PLEKHB1: variants seen among roughly 807,000 people sequenced by gnomAD.
PLEKHB1 encodes the protein pleckstrin homology domain-containing family B member 1.
PLEKHB1 carries 29 observed loss-of-function variants against 36.2 expected under a neutral mutation model. The observed-to-expected ratio is 0.80, with a 90% CI of 0.60 to 1.09. The LOEUF (loss-of-function observed/expected upper bound fraction) is 1.09. PLEKHB1 is among the 50% of genes least tolerant of loss of function. The probability of loss-of-function intolerance (pLI) is 0.00; values close to 1 mark genes in which losing one functional copy is unlikely to be tolerated. For synonymous variants in PLEKHB1, 138 were observed against 140.0 expected, an observed-to-expected ratio of 0.99 and a Z score of 0.10; for missense variants, 330 against 348.2, an observed-to-expected ratio of 0.95 and a Z score of 0.42.
chr11:73,649,234 C>T, intron 2 of PLEKHB1, 147 bp downstream of exon 2: 2 of 1,041,570 alleles, frequency 1.9e-6, no homozygotes, highest in Non-Finnish European at 2.7e-6. Context: ...GAAGGTCCTT[C>T]CCATTCCCGA....
At chr11:73,652,193 G>A (rs1944911253) in intron 4 of PLEKHB1, 1 of 391,426 alleles carries the variant, frequency 2.6e-6, no homozygotes, top group Admixed American at 4.2e-5. Context: ...TCACCTGAGG[G>A]TGATGCAAAG....
chr11:73,654,319 A>G (rs959871131), intron 5 of PLEKHB1, among the ~76,000 whole-genome samples: 11 of 152,154 alleles, frequency 7.2e-5, no homozygotes, highest in African/African-American at 2.4e-4. Flanking sequence ...CTTTCTCTGT[A>G]TGGCACAATG....
chr11:73,659,913 C>A (rs191490459), intron 6 of PLEKHB1, among the ~76,000 whole-genome samples: 1 of 152,178 alleles, frequency 6.6e-6, no homozygotes, highest in African/African-American at 2.4e-5. Flanking sequence ...ATAATCGTTA[C>A]AGCCTAGTGC....
intron 5 of PLEKHB1, among the ~76,000 whole-genome samples, chr11:73,655,580 G>C (rs1191719666): frequency 1.3e-5 from 2 of 152,224 alleles, no homozygotes; most frequent in African/African-American, 4.8e-5. Context: ...TCTGGAAAGA[G>C]ACTACTTGTC....
intron 7 of PLEKHB1, 124 bp downstream of exon 7, chr11:73,660,976 A>G: frequency 1.1e-6 from 1 of 891,650 alleles, no homozygotes; most frequent in East Asian, 2.7e-5. Context: ...TTTCCCAGGC[A>G]GAACTCTCCG....
At chr11:73,647,905 G>A in intron 1 of PLEKHB1, 1 of 985,330 alleles carries the variant, frequency 1.0e-6, no homozygotes, top group Non-Finnish European at 1.2e-6. Flanking sequence ...GGTGTGAGCA[G>A]GTGGGGGAGG....
chr11:73,654,889 G>T (rs1747127166), intron 5 of PLEKHB1, among the ~76,000 whole-genome samples: 1 of 152,198 alleles, frequency 6.6e-6, no homozygotes, highest in Non-Finnish European at 1.5e-5. Context: ...AGCAATAAAG[G>T]GCATTCAGCA....
Position 73,662,761 on chromosome 11 carries a change from G to C in PLEKHB1, c.*1159G>C, listed in dbSNP as rs368146673. Reference sequence around the variant, plus strand: ...AGCCCACTAAAGCTCCCCTGTAAATGGGGGCTCCATTAGTTCTGCTGCCGA... The same window carrying C: ...AGCCCACTAAAGCTCCCCTGTAAATCGGGGCTCCATTAGTTCTGCTGCCGA... On this transcript the variant is annotated 3_prime_UTR_variant, in exon 8 of 8. Coordinates refer to ENST00000354190, the MANE Select transcript of PLEKHB1 (RefSeq NM_021200.3). 1.3e-5 allele frequency: 2 copies of C among 152,150 alleles called. No homozygotes were observed. The highest frequency in any genetic ancestry group is 1.3e-4 in the Admixed American group (2 of 15,274). The allele number at this position is 152,150 out of a possible 1,614,324, so 9.4% of individuals were successfully genotyped here.
intron 4 of PLEKHB1, 55 bp from the exon 5 acceptor site, chr11:73,652,920 C>G: frequency 6.7e-7 from 1 of 1,497,924 alleles, no homozygotes. Context: ...TGTGGGGGCC[C>G]AATTCACCCA....
In PLEKHB1 at chr11:73,661,357, T is replaced by TG. The variant is rs1386332844; in HGVS notation, c.596-106dup. 44 of 1,239,682 alleles carry TG rather than the reference T, an allele frequency of 3.5e-5. No homozygotes were observed. The highest frequency in any genetic ancestry group is 2.1e-4 in the Middle Eastern group (1 of 4,784). 76.8% of individuals were successfully genotyped at this position (1,239,682 alleles called of 1,614,324 possible). A position where few individuals can be genotyped will look rare whatever the true frequency, so the allele number is the denominator to read the frequency against. The stretch of plus-strand genomic sequence containing the variant: ...GTTCTTTGACTGGGGAGCAGGAGAG[T>TG]GGGTTCGGCGCCTTACACTGGGTTG... On this transcript the variant is annotated intron_variant, in intron 7 of 7. Coordinates refer to ENST00000354190, the MANE Select transcript of PLEKHB1 (RefSeq NM_021200.3). This position sits in a 1 kb window ranked among gnomAD's most constrained non-coding sequence, Gnocchi z 4.6.
rs775792157 is a variant in PLEKHB1 at position 73,651,797 on chromosome 11, C to A, written c.257C>A (p.Pro86His). The A allele has an allele frequency of 3.7e-6, 6 of 1,613,470 alleles. No homozygotes were observed. In the South Asian group the frequency reaches 6.6e-5, roughly 18 times the overall value. Reference protein sequence around the residue: ...KIGPECHDVQPPEGRSRDGLL... With the variant: ...KIGPECHDVQHPEGRSRDGLL... ...GTGTGTCTGCTTCCAGATGTGCAGC[C>A]CCCAGAGGGCCGGAGCCGAGATGGC... Residue 86 changes from proline to histidine, a missense_variant, in exon 4 of 8, where the codon CCC becomes CAC. Physicochemically the swap from Pro to His is moderately conservative, Grantham distance 77 (BLOSUM62 -2). Transcript: ENST00000354190.
chr11:73,653,481 G>A, intron 5 of PLEKHB1: 3 of 461,378 alleles, frequency 6.5e-6, no homozygotes, highest in South Asian at 4.6e-5. Flanking sequence ...GGAGATATGG[G>A]CTCTGCCCAC....
chr11:73,657,950 A>G (rs956351333), intron 6 of PLEKHB1, among the ~76,000 whole-genome samples: 11 of 152,180 alleles, frequency 7.2e-5, no homozygotes, highest in African/African-American at 2.4e-4. Flanking sequence ...GAGTTGGGCA[A>G]CCTTAGTTCC....
At chr11:73,648,514 A>G (rs1944815265) in intron 1 of PLEKHB1, among the ~76,000 whole-genome samples, 1 of 152,216 alleles carries the variant, frequency 6.6e-6, no homozygotes, top group Admixed American at 6.5e-5. Context: ...GGGTCCAAAT[A>G]GGAGGGAGCT....
In PLEKHB1 at chr11:73,651,738, G is replaced by T. The variant is rs757665316; in HGVS notation, c.248-50G>T. Reference sequence around the variant, plus strand: ...ATTCCTGTCCCTGCTTTACTGGGGGGACCTGGGGCTTGTGCCTGTGGAAAC... The same window carrying T: ...ATTCCTGTCCCTGCTTTACTGGGGGTACCTGGGGCTTGTGCCTGTGGAAAC... On this transcript the variant is annotated intron_variant, in intron 3 of 7. Transcript: ENST00000354190. 6 of 1,456,572 alleles carry T rather than the reference G, an allele frequency of 4.1e-6. No homozygotes were observed. In the South Asian group the frequency reaches 7.1e-5, roughly 17 times the overall value. 90.2% of individuals were successfully genotyped at this position (1,456,572 alleles called of 1,614,324 possible). A position where few individuals can be genotyped will look rare whatever the true frequency, so the allele number is the denominator to read the frequency against.
chr11:73,657,701 G>A (rs923377301), intron 6 of PLEKHB1, among the ~76,000 whole-genome samples: 4 of 152,156 alleles, frequency 2.6e-5, no homozygotes, highest in African/African-American at 9.7e-5. Flanking sequence ...GTAGCAGCAG[G>A]GCAAGGTGGA....
intron 2 of PLEKHB1, 74 bp downstream of exon 2, chr11:73,649,161 T>A: frequency 6.6e-7 from 1 of 1,518,386 alleles, no homozygotes; most frequent in South Asian, 1.2e-5. Flanking sequence ...CGGGGAACAC[T>A]TCTCTCAAGA....
rs1381087230 is a variant in PLEKHB1 at position 73,661,122 on chromosome 11, G to A, written c.595+270G>A. Among the ~76,000 whole-genome samples the A allele has an allele frequency of 6.6e-6, 1 of 152,240 alleles. No individual in the cohort carries two copies. The highest frequency in any genetic ancestry group is 1.9e-4 in the East Asian group (1 of 5,186). ...CCTGAGCCGGTAGCGGCCCCTGGTG[G>A]CTACTGCGGGAATGCTGCCTCCTCC... is the stretch of plus-strand genomic sequence containing the variant. On this transcript the variant is annotated intron_variant, in intron 7 of 7. Transcript: ENST00000354190. The surrounding 1 kb of genome is among the most constrained non-coding windows in gnomAD (Gnocchi z 4.6).
chr11:73,652,846 C>T, intron 4 of PLEKHB1, 129 bp from the exon 5 acceptor site: 1 of 737,644 alleles, frequency 1.4e-6, no homozygotes, highest in Non-Finnish European at 2.2e-6. Context: ...CTGAGGGAGA[C>T]AAGAGATCTC....
Sources: allele counts gnomAD v4.1 joint callset (sites outside exome capture counted in the v4.1 genomes callset), GRCh38; gene constraint gnomAD v4.1.1; non-coding constraint Gnocchi (gnomAD v3.1); transcripts MANE v1.5; gene names NCBI Gene and HGNC (gene_info 2026-07-23, HGNC 2026-07-21).